EPRS1: variants seen among roughly 807,000 people sequenced by gnomAD.
EPRS1 encodes the protein bifunctional glutamate/proline--tRNA ligase.
A neutral mutation model predicts 188.3 loss-of-function variants in EPRS1; 107 were observed. That is an observed-to-expected ratio of 0.57 (90% confidence interval 0.49 to 0.67). EPRS1 has a LOEUF of 0.67. Among genes scored for constraint, EPRS1 ranks in the 30% least tolerant of loss-of-function variants. The probability of loss-of-function intolerance (pLI) is 0.00; values close to 1 mark genes in which losing one functional copy is unlikely to be tolerated. For missense variants in EPRS1, 1,577 were observed against 1,802.2 expected (o/e 0.88, Z 2.26); for synonymous variants, 596 against 593.1 (o/e 1.00, Z -0.07).
chr1:220,021,283 G>A lies in EPRS1; in HGVS notation c.1116-1062C>T, dbSNP rs531020082. 2.0e-5 allele frequency among the ~76,000 whole-genome samples: 3 copies of A among 152,138 alleles called. No individual in the cohort carries two copies. The South Asian group carries it at 6.2e-4, about 32-fold the overall frequency. ...AACTCACTGTAACCTTGAACTCCTGGACTGAAGCAATCTTCTTGCCTCAGT... is the reference window on the plus strand; with the variant it reads ...AACTCACTGTAACCTTGAACTCCTGAACTGAAGCAATCTTCTTGCCTCAGT... On this transcript the variant is annotated intron_variant, in intron 9 of 31. Coordinates refer to ENST00000366923, the MANE Select transcript of EPRS1 (RefSeq NM_004446.3).
intron 30 of EPRS1, among the ~76,000 whole-genome samples, chr1:219,971,795 T>TATATATATACACACACAC (rs140568859): frequency 1.8e-5 from 2 of 108,400 alleles, no homozygotes; most frequent in African/African-American, 6.4e-5. Context: ...TATATATATA[T>TATATATATACACACACAC]ACATATACAC....
chr1:220,024,634 T>C (rs1661941211), intron 7 of EPRS1, among the ~76,000 whole-genome samples, 178 bp from the exon 8 acceptor site: 1 of 152,170 alleles, frequency 6.6e-6, no homozygotes, highest in Non-Finnish European at 1.5e-5. Context: ...TAGATACTCA[T>C]TATATTAGCC....
At chr1:219,994,541 GAAAA>G (rs1260488328) in intron 18 of EPRS1, among the ~76,000 whole-genome samples, 1 of 144,196 alleles carries the variant, frequency 6.9e-6, no homozygotes, top group African/African-American at 2.6e-5. Flanking sequence ...TATTAAAAAA[GAAAA>G]AGAAAAAATG....
intron 16 of EPRS1, among the ~76,000 whole-genome samples, chr1:220,003,355 C>T (rs1661396098): frequency 6.6e-6 from 1 of 152,122 alleles, no homozygotes; most frequent in South Asian, 2.1e-4. Context: ...ATATTTTCTC[C>T]CATTCTGTGA....
chr1:220,039,810 G>A (rs923893704), intron 2 of EPRS1, among the ~76,000 whole-genome samples: 3 of 152,158 alleles, frequency 2.0e-5, no homozygotes, highest in African/African-American at 7.2e-5. Flanking sequence ...GAGCCACCGC[G>A]CCCGGCGATG....
At chr1:220,023,882 G>A (rs574709740) in intron 8 of EPRS1, among the ~76,000 whole-genome samples, 7 of 152,242 alleles carry the variant, frequency 4.6e-5, no homozygotes, top group South Asian at 4.1e-4. Context: ...TGCCAGATAC[G>A]GTGGCTCATG....
chr1:219,996,324 C>G (rs1661230869), intron 18 of EPRS1, among the ~76,000 whole-genome samples: 1 of 152,226 alleles, frequency 6.6e-6, no homozygotes, highest in Non-Finnish European at 1.5e-5. Context: ...AACCTCTTGA[C>G]AATCCATTTG....
intron 12 of EPRS1, 147 bp from the exon 13 acceptor site, chr1:220,011,203 T>C: frequency 1.9e-6 from 1 of 521,464 alleles, no homozygotes; most frequent in South Asian, 2.8e-5. Flanking sequence ...TTTCTGATAT[T>C]TACCATTAAG....
chr1:219,983,942 C>CTA (rs1246288297), intron 21 of EPRS1, among the ~76,000 whole-genome samples: 3 of 150,298 alleles, frequency 2.0e-5, no homozygotes, highest in African/African-American at 7.3e-5. Context: ...CTGCTATTGA[C>CTA]TATATCTTTG....
At position 219,980,747 on chromosome 1, in the gene EPRS1, T is replaced by A. The variant is rs1254162924; in HGVS notation, c.3555+9A>T. On this transcript the variant is annotated intron_variant, in intron 25 of 31. Transcript: ENST00000366923. The stretch of plus-strand genomic sequence containing the variant: ...GAACATAGTTAATATGGAAAATAAC[T>A]TTTTATACCTCTTCCGCTGCCTCTT... 1 of 1,590,014 alleles carries A rather than the reference T, an allele frequency of 6.3e-7. No individual in the cohort carries two copies. The highest frequency in any genetic ancestry group is 1.3e-5 in the African/African-American group (1 of 74,472).
At chr1:220,026,751 C>T (rs1268207734) in intron 6 of EPRS1, among the ~76,000 whole-genome samples, 6 of 151,570 alleles carry the variant, frequency 4.0e-5, no homozygotes, top group Non-Finnish European at 5.9e-5. Context: ...AGGATGGTCT[C>T]GATCTCCTGA....
intron 1 of EPRS1, among the ~76,000 whole-genome samples, chr1:220,044,681 C>CAAAAAAAAAAAAAAAAAAAAAAAAAAAAA (rs71560597): frequency 1.1e-5 from 1 of 88,330 alleles, no homozygotes; most frequent in African/African-American, 4.2e-5. Context: ...GCTCGGTCTC[C>CAAAAAAAAAAAAAAAAAAAAAAAAAAAAA]AAAAAAAAAA....
intron 6 of EPRS1, among the ~76,000 whole-genome samples, chr1:220,026,449 G>C (rs542544688): frequency 4.8e-4 from 73 of 152,250 alleles, no homozygotes; most frequent in African/African-American, 1.6e-3. Context: ...AAGCAAGGAA[G>C]TTTAATCAGC....
chr1:220,019,604 C>A (rs1658227), intron 10 of EPRS1, among the ~76,000 whole-genome samples: 122,066 of 152,172 alleles, frequency 0.8, 49,123 homozygotes, highest in East Asian at 0.93. Context: ...ATCTTCACTT[C>A]GATTCAAGGG....
intron 28 of EPRS1, among the ~76,000 whole-genome samples, chr1:219,976,299 T>G (rs10863521): frequency 0.47 from 70,848 of 151,948 alleles, 16,611 homozygotes; most frequent in South Asian, 0.53. Context: ...CCTGAGAAAT[T>G]ACTGCAGACT....
intron 19 of EPRS1, among the ~76,000 whole-genome samples, chr1:219,988,146 A>T (rs538388352): frequency 6.6e-6 from 1 of 152,338 alleles, no homozygotes; most frequent in African/African-American, 2.4e-5. Flanking sequence ...TCCTAAAAAG[A>T]TAACAGAATT....
intron 23 of EPRS1, 55 bp from the exon 24 acceptor site, chr1:219,981,512 G>A: frequency 1.9e-6 from 2 of 1,052,734 alleles, no homozygotes; most frequent in Non-Finnish European, 2.8e-6. Context: ...TCTCCTTTAG[G>A]GATGTAACAG....
intron 27 of EPRS1, 26 bp from the exon 28 acceptor site, chr1:219,978,745 G>A (rs1166765724): frequency 1.3e-6 from 2 of 1,579,392 alleles, no homozygotes; most frequent in Non-Finnish European, 1.7e-6. Flanking sequence ...TGTCCCAAAT[G>A]TATGCAAAGA....
chr1:220,018,131 T>TA (rs1558056787), intron 12 of EPRS1: 4 of 1,340,038 alleles, frequency 3.0e-6, no homozygotes, highest in Admixed American at 2.2e-5. Context: ...AATACCTTCT[T>TA]ACAGAGAGCT....
Sources: gnomAD v4.1 joint callset for allele counts (sites outside exome capture counted in the v4.1 genomes callset) on GRCh38, gnomAD v4.1.1 for gene constraint, MANE v1.5 for transcripts, NCBI Gene and HGNC (gene_info 2026-07-23, HGNC 2026-07-21) for gene names.